Variants in PLB1 observed in about 807,000 individuals in gnomAD.
PLB1 encodes the protein phospholipase B1, membrane-associated.
PLB1 carries 242 observed loss-of-function variants against 227.4 expected under a neutral mutation model. The ratio of observed to expected loss-of-function variants is 1.06; its 90% CI spans 0.96 to 1.18. The LOEUF (loss-of-function observed/expected upper bound fraction) is 1.18. Ranked by LOEUF, PLB1 falls within the 50% of genes most tolerant of loss-of-function variation. The pLI, the probability that PLB1 is intolerant of heterozygous loss-of-function variation, is 0.00. For missense variants in PLB1, 1,858 were observed against 1,816.3 expected (o/e 1.02, Z -0.42); for synonymous variants, 757 against 682.2 (o/e 1.11, Z -1.71).
chr2:28,511,788 C>CTTTTTTTTTTTTTTTTTTTTTTTTTTT (rs59137589), intron 1 of PLB1, among the ~76,000 whole-genome samples: 7 of 132,650 alleles, frequency 5.3e-5, no homozygotes, highest in African/African-American at 1.7e-4. Flanking sequence ...GCCATTTTAT[C>CTTTTTTTTTTTTTTTTTTTTTTTTTTT]TTTTTTTTTT....
intron 13 of PLB1, among the ~76,000 whole-genome samples, chr2:28,542,271 G>T (rs1672615694): frequency 6.6e-6 from 1 of 152,164 alleles, no homozygotes; most frequent in African/African-American, 2.4e-5. Flanking sequence ...CATAGTCTTA[G>T]GGGAAATACC....
chr2:28,643,137 C>A lies in PLB1; in HGVS notation c.*76C>A. 7.3e-7 allele frequency: 1 copy of A among 1,372,564 alleles called. No individual in the cohort carries two copies. Among genetic ancestry groups the A allele is most frequent in the Non-Finnish European group, 9.8e-7 (1 of 1,023,886 alleles). 85.0% of individuals were successfully genotyped at this position (1,372,564 alleles called of 1,614,324 possible). ...GCCCTCTGCCCCAGCCACTCCCGGC[C>A]ACCAGGACATGCTTCAATGCCTGGT... On this transcript the variant is annotated 3_prime_UTR_variant, in exon 58 of 58. Coordinates refer to ENST00000327757, the MANE Select transcript of PLB1 (RefSeq NM_153021.5).
Position 28,636,041 on chromosome 2 carries a change from GTA to G in PLB1, c.4098+3004_4098+3005del, listed in dbSNP as rs1491254700. On this transcript the variant is annotated intron_variant, in intron 56 of 57. Transcript: ENST00000327757. Reference sequence around the variant, plus strand: ...TGAATGTGTGTGTATGTGTGTGTGTGTATGTATGTGTATGTGTGTATGTATGT... The same window carrying G: ...TGAATGTGTGTGTATGTGTGTGTGTGTGTATGTGTATGTGTGTATGTATGT... 2.1e-3 allele frequency among the ~76,000 whole-genome samples: 183 copies of G among 85,910 alleles called. 1 individual carries two copies. Among genetic ancestry groups the G allele is most frequent in the African/African-American group, 5.8e-3 (171 of 29,424 alleles). 56.4% of individuals were successfully genotyped at this position (85,910 alleles called of 152,430 possible).
At chr2:28,505,176 A>G (rs1667514782) in intron 1 of PLB1, among the ~76,000 whole-genome samples, 1 of 152,212 alleles carries the variant, frequency 6.6e-6, no homozygotes, top group Non-Finnish European at 1.5e-5. Context: ...CTGAGAAGCT[A>G]GGTAACTTAT....
At chr2:28,555,791 C>G (rs1471957942) in intron 17 of PLB1, among the ~76,000 whole-genome samples, 1 of 150,904 alleles carries the variant, frequency 6.6e-6, no homozygotes, top group Non-Finnish European at 1.5e-5. Context: ...AAATGCCTTT[C>G]ATTAAAAGAA....
intron 9 of PLB1, among the ~76,000 whole-genome samples, chr2:28,536,720 C>T (rs1413052355): frequency 2.0e-5 from 3 of 152,130 alleles, no homozygotes; most frequent in Non-Finnish European, 1.5e-5. Flanking sequence ...TTTTTCCTGA[C>T]TTTGGGTTCT....
chr2:28,511,968 T>G (rs1405667546), intron 1 of PLB1, among the ~76,000 whole-genome samples: 1 of 150,700 alleles, frequency 6.6e-6, no homozygotes, highest in Non-Finnish European at 1.5e-5. Flanking sequence ...TTTTTTTTTT[T>G]TTAGTAGAGA....
At chr2:28,604,814 G>C (rs756055632) in intron 41 of PLB1, 55 bp downstream of exon 41, 1 of 1,498,446 alleles carries the variant, frequency 6.7e-7, no homozygotes, top group South Asian at 1.2e-5. Context: ...ATGCAAGGCA[G>C]AATTGCCAGT....
chr2:28,585,736 G>A, intron 25 of PLB1, 25 bp from the exon 26 acceptor site: 2 of 1,546,064 alleles, frequency 1.3e-6, no homozygotes, highest in Non-Finnish European at 1.8e-6. Context: ...GTGGGATGAG[G>A]GTTTCTCTTT....
At chr2:28,568,424 A>T (rs536464678) in intron 20 of PLB1, among the ~76,000 whole-genome samples, 4 of 152,384 alleles carry the variant, frequency 2.6e-5, no homozygotes, top group Non-Finnish European at 5.9e-5. Context: ...CTTAGCCCAG[A>T]AATGGATTAT....
chr2:28,589,659 T>C lies in PLB1; in HGVS notation c.1921-16T>C. The C allele has an allele frequency of 6.2e-7, 1 of 1,613,696 alleles. No homozygotes were observed. The highest frequency in any genetic ancestry group is 1.1e-5 in the South Asian group (1 of 91,076). On this transcript the variant is annotated splice_polypyrimidine_tract_variant and intron_variant, in intron 27 of 57. Coordinates refer to ENST00000327757, the MANE Select transcript of PLB1 (RefSeq NM_153021.5). The stretch of plus-strand genomic sequence containing the variant: ...GTGTGTCTATAACTGCCTCTCTTTT[T>C]CTGCCCGGTGACCAGGAAGGATTGC...
rs1684422513 is a variant in PLB1 at position 28,604,760 on chromosome 2, G to A, written c.2961+1G>A. 4 of 1,613,494 alleles carry A rather than the reference G, an allele frequency of 2.5e-6. No individual in the cohort carries two copies. In the East Asian group the frequency reaches 8.9e-5, roughly 36 times the overall value. On this transcript the variant is annotated splice_donor_variant, in intron 41 of 57. Transcript: ENST00000327757. LOFTEE classifies it high-confidence loss of function. Reference sequence around the variant, plus strand: ...GAACATCCAGCTCCCTGTCCTGGCGGTATGTCCCCTGCCCTCACCCATGGT... The same window carrying A: ...GAACATCCAGCTCCCTGTCCTGGCGATATGTCCCCTGCCCTCACCCATGGT...
At chr2:28,594,273 C>T (rs1682526678) in intron 33 of PLB1, 2 of 261,412 alleles carry the variant, frequency 7.7e-6, no homozygotes, top group East Asian at 1.8e-4. Context: ...ATTAGCAATT[C>T]GACAAGAGGA....
At chr2:28,632,452 G>A (rs1202933109) in intron 55 of PLB1, among the ~76,000 whole-genome samples, 1 of 152,140 alleles carries the variant, frequency 6.6e-6, no homozygotes, top group Non-Finnish European at 1.5e-5. Flanking sequence ...GGTGCTGAAA[G>A]AAAAGGGAGA....
chr2:28,622,796 G>C (rs1687215758), intron 49 of PLB1, among the ~76,000 whole-genome samples: 1 of 152,200 alleles, frequency 6.6e-6, no homozygotes, highest in Non-Finnish European at 1.5e-5. Flanking sequence ...TGAGGCAGGA[G>C]AATCACTTGA....
rs149028501 is a variant in PLB1, at chr2:28,571,365, C to T, written c.1325-1832C>T. Among the ~76,000 whole-genome samples, 6 of 152,266 alleles carry T rather than the reference C, an allele frequency of 3.9e-5. No individual in the cohort carries two copies. The East Asian group carries it at 1.2e-3, about 29-fold the overall frequency. ...ATGGATTAGAAGATTTAATATTCTT[C>T]ATAATACTCCCCACATCAATCTACG... On this transcript the variant is annotated intron_variant, in intron 20 of 57. Transcript: ENST00000327757.
At chr2:28,642,635 G>C (rs1558987387) in intron 57 of PLB1, among the ~76,000 whole-genome samples, 1 of 152,336 alleles carries the variant, frequency 6.6e-6, no homozygotes, top group East Asian at 1.9e-4. Context: ...ACGCTGGTGA[G>C]AAACCAAAAG....
chr2:28,543,403 C>A, intron 14 of PLB1, 135 bp downstream of exon 14: 1 of 904,798 alleles, frequency 1.1e-6, no homozygotes, highest in Non-Finnish European at 1.6e-6. Context: ...ACCAGGGATG[C>A]TTCTGTCTCC....
chr2:28,613,197 A>G (rs1255023759), intron 43 of PLB1, among the ~76,000 whole-genome samples: 1 of 152,154 alleles, frequency 6.6e-6, no homozygotes. Flanking sequence ...AACGCTGGGA[A>G]TACAGGCATG....
Sources: gnomAD v4.1 joint callset for allele counts (sites outside exome capture counted in the v4.1 genomes callset) on GRCh38, gnomAD v4.1.1 for gene constraint, MANE v1.5 for transcripts, NCBI Gene and HGNC (gene_info 2026-07-23, HGNC 2026-07-21) for gene names.